ADAMTSL1: variants seen among roughly 807,000 people sequenced by gnomAD.
ADAMTSL1 encodes the protein ADAMTS-like protein 1.
A neutral mutation model predicts 201.8 loss-of-function variants in ADAMTSL1; 126 were observed. That is an observed-to-expected ratio of 0.62 (90% CI 0.54 to 0.72). The LOEUF is 0.72. Ranked by LOEUF, ADAMTSL1 falls within the 30% of genes least tolerant of loss-of-function variation. The pLI, the probability that ADAMTSL1 is intolerant of heterozygous loss-of-function variation, is 0.00. For synonymous variants in ADAMTSL1, 1,121 were observed against 903.4 expected, an observed-to-expected ratio of 1.24 and a Z score of -4.32; for missense variants, 2,679 against 2,277.8, an observed-to-expected ratio of 1.18 and a Z score of -3.59.
At chr9:18,316,955 T>C (rs983216981) in intron 2 of ADAMTSL1, among the ~76,000 whole-genome samples, 9 of 152,126 alleles carry the variant, frequency 5.9e-5, no homozygotes, top group Non-Finnish European at 2.9e-5. Context: ...TTATTCACAA[T>C]AGCCAAGATA....
At position 18,333,268 on chromosome 9, in the gene ADAMTSL1, G is replaced by A. The variant is rs79019592; in HGVS notation, c.207+169287G>A. On this transcript the variant is annotated intron_variant, in intron 2 of 29. Transcript: ENST00000680146. ...TGTGTATCTTGGGAGGGTCCCAGAGGGAGGTAATTGAATCATTGGGGCAGT... is the reference window on the plus strand; with the variant it reads ...TGTGTATCTTGGGAGGGTCCCAGAGAGAGGTAATTGAATCATTGGGGCAGT... 6.3e-3 allele frequency among the ~76,000 whole-genome samples: 953 copies of A among 152,222 alleles called. 16 individuals are homozygous for A. Among genetic ancestry groups the A allele is most frequent in the Middle Eastern group, 6.8e-3 (2 of 294 alleles).
At chr9:17,919,551 G>C (rs10810873) in intron 1 of ADAMTSL1, among the ~76,000 whole-genome samples, 1 of 151,594 alleles carries the variant, frequency 6.6e-6, no homozygotes, top group African/African-American at 2.4e-5. Context: ...CTAGATTTTC[G>C]TATCAATGGA....
rs184155776 is a variant in ADAMTSL1 at position 18,084,108 on chromosome 9, C to A, written c.88-79754C>A. ...AGTTTCCCTACCTCCCAAACAAATT[C>A]TTTGCCATGCGAGAATCAATTTTTT... On this transcript the variant is annotated intron_variant, in intron 1 of 29. Coordinates refer to the ADAMTSL1 transcript ENST00000680146. Among the ~76,000 whole-genome samples the A allele has an allele frequency of 4.6e-3, 702 of 152,362 alleles. 6 individuals carry two copies. The highest frequency in any genetic ancestry group is 0.016 in the African/African-American group (666 of 41,586).
chr9:18,752,371 G>A (rs1456615261), intron 15 of ADAMTSL1, among the ~76,000 whole-genome samples: 4 of 152,302 alleles, frequency 2.6e-5, no homozygotes, highest in African/African-American at 7.2e-5. Flanking sequence ...GGTGGGACTA[G>A]CTACTAGAGG....
rs1196561866 is a variant in ADAMTSL1 at position 18,709,838 on chromosome 9, G to A, written c.1876+2790G>A. On this transcript the variant is annotated intron_variant, in intron 14 of 28. Coordinates refer to ENST00000380548, the MANE Select transcript of ADAMTSL1 (RefSeq NM_001040272.6). ...TTAAAATCTAGCTGGGGGAATACTTGACATTGACTTCAGCAAAAATGGAAG... is the reference window on the plus strand; with the variant it reads ...TTAAAATCTAGCTGGGGGAATACTTAACATTGACTTCAGCAAAAATGGAAG... 2.0e-5 allele frequency among the ~76,000 whole-genome samples: 3 copies of A among 152,162 alleles called. No homozygotes were observed. In the East Asian group the frequency reaches 5.8e-4, roughly 29 times the overall value.
intron 7 of ADAMTSL1, among the ~76,000 whole-genome samples, chr9:18,648,892 C>T (rs1188276803): frequency 1.3e-5 from 2 of 152,096 alleles, no homozygotes; most frequent in Non-Finnish European, 2.9e-5. Context: ...CGAGGAGTAC[C>T]TTTGTGGTGT....
At chr9:17,996,086 C>T (rs556696986) in intron 1 of ADAMTSL1, among the ~76,000 whole-genome samples, 10 of 152,108 alleles carry the variant, frequency 6.6e-5, no homozygotes, top group Admixed American at 6.6e-4. Context: ...TTTTATCATT[C>T]CCTGTCTTGT....
At chr9:18,428,515 G>A (rs1217855904) in intron 2 of ADAMTSL1, among the ~76,000 whole-genome samples, 1 of 151,994 alleles carries the variant, frequency 6.6e-6, no homozygotes, top group Admixed American at 6.6e-5. Context: ...AGCTACTCAG[G>A]AGGCTGAGAT....
intron 2 of ADAMTSL1, among the ~76,000 whole-genome samples, chr9:18,417,461 G>A (rs1212623698): frequency 6.7e-6 from 1 of 149,562 alleles, no homozygotes; most frequent in Non-Finnish European, 1.5e-5. Context: ...AATAAAAGCA[G>A]TTCTTTGAAG....
chr9:18,853,761 C>T (rs927290665), intron 23 of ADAMTSL1, among the ~76,000 whole-genome samples: 1 of 152,068 alleles, frequency 6.6e-6, no homozygotes, highest in Non-Finnish European at 1.5e-5. Flanking sequence ...CTATCACTGT[C>T]TTAATTTTCT....
At chr9:18,776,312 C>T (rs1820987683) in intron 18 of ADAMTSL1, among the ~76,000 whole-genome samples, 1 of 152,240 alleles carries the variant, frequency 6.6e-6, no homozygotes, top group Non-Finnish European at 1.5e-5. Flanking sequence ...GGCTCTGGTG[C>T]CTTGCAGGAC....
intron 19 of ADAMTSL1, 103 bp downstream of exon 19, chr9:18,778,009 CT>C: frequency 6.9e-7 from 1 of 1,443,308 alleles, no homozygotes. Context: ...AGGGGTAGGG[CT>C]TAGAGCTGGC....
At chr9:18,715,465 A>G (rs1400357690) in intron 14 of ADAMTSL1, among the ~76,000 whole-genome samples, 1 of 152,196 alleles carries the variant, frequency 6.6e-6, no homozygotes. Context: ...GAGCCAAATC[A>G]TGCGTGAACT....
At chr9:18,700,106 G>A (rs552089142) in intron 13 of ADAMTSL1, among the ~76,000 whole-genome samples, 24 of 152,272 alleles carry the variant, frequency 1.6e-4, no homozygotes, top group African/African-American at 3.6e-4. Context: ...TGATTTAGGC[G>A]TGGTTCTAAG....
chr9:17,968,938 G>A (rs144050102), intron 1 of ADAMTSL1, among the ~76,000 whole-genome samples: 68 of 151,930 alleles, frequency 4.5e-4, no homozygotes, highest in African/African-American at 1.4e-3. Context: ...TAATTGCATC[G>A]ACCCAGAAGA....
chr9:18,467,743 G>C (rs1215919446), intron 2 of ADAMTSL1, among the ~76,000 whole-genome samples: 1 of 152,216 alleles, frequency 6.6e-6, no homozygotes, highest in African/African-American at 2.4e-5. Context: ...AGGACTTGAA[G>C]TAGTTGGGTA....
At chr9:18,813,706 T>G (rs1170333660) in intron 20 of ADAMTSL1, among the ~76,000 whole-genome samples, 1 of 152,234 alleles carries the variant, frequency 6.6e-6, no homozygotes, top group African/African-American at 2.4e-5. Context: ...TTCTAACAAT[T>G]TTTTAGTAAA....
chr9:18,544,183 G>A (rs562269616), intron 3 of ADAMTSL1, among the ~76,000 whole-genome samples: 6 of 152,250 alleles, frequency 3.9e-5, no homozygotes, highest in African/African-American at 1.4e-4. Context: ...TGCAACAATG[G>A]AAATACATGG....
intron 2 of ADAMTSL1, among the ~76,000 whole-genome samples, chr9:18,319,103 G>A (rs2132843298): frequency 6.6e-6 from 1 of 152,168 alleles, no homozygotes; most frequent in Admixed American, 6.5e-5. Flanking sequence ...TGTAATGCCA[G>A]CTACTCCTGA....
Sources: gnomAD v4.1 joint callset for allele counts (sites outside exome capture counted in the v4.1 genomes callset) on GRCh38, gnomAD v4.1.1 for gene constraint, MANE v1.5 for transcripts, NCBI Gene and HGNC (gene_info 2026-07-23, HGNC 2026-07-21) for gene names.